The following AREG variants were observed in gnomAD, a reference collection of about 807,000 sequenced individuals.
AREG encodes amphiregulin B.
A neutral mutation model predicts 28.0 loss-of-function variants in AREG; 16 were observed. The ratio of observed to expected loss-of-function variants is 0.57; its 90% CI spans 0.39 to 0.87. AREG has a LOEUF of 0.87. AREG is among the 40% of genes least tolerant of loss of function. The pLI is 0.00. For synonymous variants in AREG, 113 were observed against 113.5 expected (o/e 1.00, Z 0.02); for missense variants, 287 against 309.1 (o/e 0.93, Z 0.53).
chr4:74,445,610 G>T (rs1346762130), intron 1 of AREG, among the ~76,000 whole-genome samples: 1 of 152,186 alleles, frequency 6.6e-6, no homozygotes, highest in African/African-American at 2.4e-5. Context: ...CCAGAGAATC[G>T]CTGTACTTTT....
rs893593652 is a variant in AREG at position 74,454,911 on chromosome 4, G to A, written c.*171G>A. On this transcript the variant is annotated 3_prime_UTR_variant, in exon 6 of 6. Coordinates refer to ENST00000395748, the MANE Select transcript of AREG (RefSeq NM_001657.4). The stretch of plus-strand genomic sequence containing the variant: ...GCTATTTCTGTATATAAAGGTGCAC[G>A]AAGGTAAAAAGTATTTTTTCAAGTT... 19 of 670,886 alleles carry A rather than the reference G, an allele frequency of 2.8e-5. No individual in the cohort carries two copies. The highest frequency in any genetic ancestry group is 5.4e-5 in the African/African-American group (3 of 55,928). 41.6% of individuals were successfully genotyped at this position (670,886 alleles called of 1,614,324 possible). A position where few individuals can be genotyped will look rare whatever the true frequency, so the allele number is the denominator to read the frequency against.
At chr4:74,448,963 C>CA (rs1719336981) in intron 2 of AREG, 84 bp from the exon 3 acceptor site, 2 of 1,566,840 alleles carry the variant, frequency 1.3e-6, no homozygotes, top group African/African-American at 2.9e-5. Flanking sequence ...TGTGAGCGCT[C>CA]ACTGCTATGA....
chr4:74,446,306 C>A (rs1719285722), intron 1 of AREG, among the ~76,000 whole-genome samples: 1 of 152,192 alleles, frequency 6.6e-6, no homozygotes, highest in South Asian at 2.1e-4. Context: ...TGTGGATTAT[C>A]TGTGGAAAAG....
At chr4:74,450,276 T>G in intron 3 of AREG, 104 bp from the exon 4 acceptor site, 1 of 1,584,654 alleles carries the variant, frequency 6.3e-7, no homozygotes, top group South Asian at 1.1e-5. Context: ...ATGGCATAAC[T>G]TTTTTAATGT....
intron 5 of AREG, 42 bp from the exon 6 acceptor site, chr4:74,454,717 T>TTG: frequency 1.5e-6 from 1 of 657,510 alleles, no homozygotes; most frequent in Non-Finnish European, 2.7e-6. Context: ...CTGTAACATT[T>TTG]TGTTTTATTT....
chr4:74,447,907 C>A (rs1354324235), intron 2 of AREG, among the ~76,000 whole-genome samples: 1 of 152,118 alleles, frequency 6.6e-6, no homozygotes, highest in Non-Finnish European at 1.5e-5. Context: ...GAGATTAGAC[C>A]CATCAAGGTG....
intron 2 of AREG, among the ~76,000 whole-genome samples, chr4:74,448,032 A>G (rs1006345025): frequency 1.9e-3 from 293 of 152,364 alleles, no homozygotes; most frequent in Admixed American, 3.1e-3. Context: ...ATTGTGAAAT[A>G]GAGTGAAAAT....
chr4:74,450,437 C>T lies in AREG; in HGVS notation c.570C>T (p.Ser190=). 4 of 1,613,956 alleles carry T rather than the reference C, an allele frequency of 2.5e-6. No individual in the cohort carries two copies. The highest frequency in any genetic ancestry group is 3.4e-6 in the Non-Finnish European group (4 of 1,179,858). ...RCGEKSMKTH[S]MIDSSLSKIA... is the part of the protein sequence containing the mutation. ...GGGAAAAGTCCATGAAAACTCACAG[C>T]ATGATTGACAGTAGTTTATCAAAAA... The change falls in exon 4 of 6, where the codon AGC becomes AGT. Residue 190 remains serine (S), a synonymous_variant. Transcript: ENST00000395748.
chr4:74,452,567 A>G lies in AREG; in HGVS notation c.689A>G (p.Lys230Arg). The G allele has an allele frequency of 6.2e-7, 1 of 1,613,586 alleles. No individual in the cohort carries two copies. Among genetic ancestry groups the G allele is most frequent in the African/African-American group, 1.3e-5 (1 of 75,034 alleles). Residue 230 changes from lysine (K) to arginine (R), a missense_variant, in exon 5 of 6, where the codon AAA (lysine) becomes AGA (arginine). By Grantham distance (26) the Lys-to-Arg change is conservative (BLOSUM62 2). Transcript: ENST00000395748. Reference protein sequence around the residue: ...TVQLRRQYVRKYEGEAEERKK... With the variant: ...TVQLRRQYVRRYEGEAEERKK... The stretch of plus-strand genomic sequence containing the variant: ...AGGCTTAGAAGACAATACGTCAGGA[A>G]ATATGAAGGAGAAGCTGAGGAACGA...
chr4:74,450,056 C>T (rs1464613541), intron 3 of AREG, among the ~76,000 whole-genome samples: 1 of 152,036 alleles, frequency 6.6e-6, no homozygotes, highest in African/African-American at 2.4e-5. Context: ...CCGCTTACCT[C>T]CCACAAGCAG....
Position 74,454,835 on chromosome 4 carries a change from A to G in AREG, c.*95A>G, listed in dbSNP as rs1560615678. The stretch of plus-strand genomic sequence containing the variant: ...CCTCTTTCCAGTGGATCATAAGACA[A>G]TGGACCCTTTTTGTTATGATGGTTT... On this transcript the variant is annotated 3_prime_UTR_variant, in exon 6 of 6. Transcript: ENST00000395748. 2.0e-5 allele frequency: 14 copies of G among 700,290 alleles called. No individual in the cohort carries two copies. Among genetic ancestry groups the G allele is most frequent in the Non-Finnish European group, 3.1e-5 (12 of 383,598 alleles). The allele number at this position is 700,290 out of a possible 1,614,324, so 43.4% of individuals were successfully genotyped here.
At chr4:74,452,445 A>C in intron 4 of AREG, 99 bp from the exon 5 acceptor site, 3 of 1,368,138 alleles carry the variant, frequency 2.2e-6, no homozygotes, top group Non-Finnish European at 3.1e-6. Flanking sequence ...CTGGTCTATC[A>C]CTACTCATGA....
At chr4:74,453,682 G>A (rs1224787268) in intron 5 of AREG, among the ~76,000 whole-genome samples, 2 of 152,080 alleles carry the variant, frequency 1.3e-5, no homozygotes, top group Admixed American at 6.5e-5. Flanking sequence ...TGAGGTGGGC[G>A]GATCACCTGA....
chr4:74,446,617 T>C lies in AREG; in HGVS notation c.145T>C (p.Phe49Leu). 1 of 1,613,980 alleles carries C rather than the reference T, an allele frequency of 6.2e-7. No individual in the cohort carries two copies. Among genetic ancestry groups the C allele is most frequent in the Non-Finnish European group, 8.5e-7 (1 of 1,179,866 alleles). The change falls in exon 2 of 6, where the codon TTT (phenylalanine) becomes CTT (leucine). Residue 49 changes from phenylalanine to leucine, a missense_variant. Transcript: ENST00000395748. ...PFSGDHSADG[F>L]EVTSRSEMSS... ...TTCTGGGGACCACAGTGCTGATGGA[T>C]TTGAGGTTACCTCAAGAAGTGAGAT...
chr4:74,451,013 A>G (rs1719372657), intron 4 of AREG, among the ~76,000 whole-genome samples: 2 of 152,326 alleles, frequency 1.3e-5, no homozygotes, highest in Middle Eastern at 3.4e-3. Flanking sequence ...TTAGAATGCA[A>G]AATTCTGAGT....
In AREG at chr4:74,445,147, C is replaced by A; in HGVS notation, c.-199C>A. On this transcript the variant is annotated 5_prime_UTR_variant, in exon 1 of 6. Coordinates refer to ENST00000395748, the MANE Select transcript of AREG (RefSeq NM_001657.4). Reference sequence around the variant, plus strand: ...GCGCGCCGCCCTACAGACGTTCGCACACCTGGGTGCCAGCGCCCCAGAGGT... The same window carrying A: ...GCGCGCCGCCCTACAGACGTTCGCAAACCTGGGTGCCAGCGCCCCAGAGGT... 8.0e-7 allele frequency: 1 copy of A among 1,242,872 alleles called. No individual in the cohort carries two copies. The highest frequency in any genetic ancestry group is 1.1e-6 in the Non-Finnish European group (1 of 921,072). The allele number at this position is 1,242,872 out of a possible 1,614,324, so 77.0% of individuals were successfully genotyped here. A position where few individuals can be genotyped will look rare whatever the true frequency, so the allele number is the denominator to read the frequency against.
chr4:74,453,203 C>T (rs1329013601), intron 5 of AREG, among the ~76,000 whole-genome samples: 1 of 152,080 alleles, frequency 6.6e-6, no homozygotes, highest in African/African-American at 2.4e-5. Context: ...AGGGGAGATA[C>T]AGTTGTGATG....
At chr4:74,445,566 G>A (rs1401568272) in intron 1 of AREG, among the ~76,000 whole-genome samples, 160 bp downstream of exon 1, 1 of 152,210 alleles carries the variant, frequency 6.6e-6, no homozygotes, top group African/African-American at 2.4e-5. Flanking sequence ...GAAAAGAGAA[G>A]GGCAGATGTC....
chr4:74,448,496 A>T (rs1308548898), intron 2 of AREG: 4 of 152,960 alleles, frequency 2.6e-5, no homozygotes, highest in African/African-American at 9.6e-5. Context: ...ATTCACTTGG[A>T]TAAACCTCTT....
Sources: gnomAD v4.1 joint callset for allele counts (sites outside exome capture counted in the v4.1 genomes callset) on GRCh38, gnomAD v4.1.1 for gene constraint, MANE v1.5 for transcripts, NCBI Gene and HGNC (gene_info 2026-07-23, HGNC 2026-07-21) for gene names.